The following PPP1R12A variants were observed in gnomAD, a reference collection of about 807,000 sequenced individuals.
PPP1R12A encodes myosin binding subunit.
Under a neutral mutation model 139.6 loss-of-function variants are expected in PPP1R12A, and 19 were observed. The observed-to-expected ratio is 0.14, with a 90% CI of 0.09 to 0.20. The LOEUF is 0.20. Ranked by LOEUF, PPP1R12A falls within the 10% of genes least tolerant of loss-of-function variation. The probability of loss-of-function intolerance (pLI) is 1.00; values close to 1 mark genes in which losing one functional copy is unlikely to be tolerated. For synonymous variants in PPP1R12A, 427 were observed against 420.6 expected, an observed-to-expected ratio of 1.02 and a Z score of -0.19; for missense variants, 925 against 1,211.5, an observed-to-expected ratio of 0.76 and a Z score of 3.51.
chr12:79,922,231 C>G (rs1368163750), intron 1 of PPP1R12A, among the ~76,000 whole-genome samples: 1 of 152,126 alleles, frequency 6.6e-6, no homozygotes, highest in Non-Finnish European at 1.5e-5. Flanking sequence ...ACTGCACTCC[C>G]AGCCTGGGTA....
intron 14 of PPP1R12A, among the ~76,000 whole-genome samples, chr12:79,804,384 T>TG (rs1873564304): frequency 1.3e-5 from 2 of 152,162 alleles, no homozygotes; most frequent in South Asian, 4.1e-4. Context: ...ACTAACCACT[T>TG]GCAGTGGCAT....
chr12:79,819,039 A>T (rs1418131873), intron 8 of PPP1R12A: 2 of 152,200 alleles, frequency 1.3e-5, no homozygotes, highest in East Asian at 3.8e-4. Context: ...CTTGAGACAG[A>T]GTCAAATTTT....
intron 1 of PPP1R12A, among the ~76,000 whole-genome samples, chr12:79,890,915 A>ACC (rs1884567131): frequency 1.4e-5 from 2 of 147,192 alleles, no homozygotes; most frequent in Non-Finnish European, 3.0e-5. Flanking sequence ...CCACACACAC[A>ACC]CACACACACA....
intron 1 of PPP1R12A, among the ~76,000 whole-genome samples, chr12:79,920,124 C>T (rs1336838209): frequency 6.6e-6 from 1 of 152,238 alleles, no homozygotes; most frequent in African/African-American, 2.4e-5. Flanking sequence ...TGGAATCATA[C>T]ACCATGTGGT....
chr12:79,876,622 C>T (rs1373031122), intron 1 of PPP1R12A, among the ~76,000 whole-genome samples: 1 of 152,120 alleles, frequency 6.6e-6, no homozygotes, highest in Non-Finnish European at 1.5e-5. Context: ...ATTCTAGGGG[C>T]TAAGTATTAC....
chr12:79,839,063 G>T (rs946140695), intron 3 of PPP1R12A, among the ~76,000 whole-genome samples: 5 of 151,988 alleles, frequency 3.3e-5, no homozygotes, highest in African/African-American at 1.2e-4. Context: ...AAGCTACAGA[G>T]GCAGAGCTGT....
Position 79,774,644 on chromosome 12 carries a change from AAAAG to A in PPP1R12A, c.*1281_*1284del. Reference sequence around the variant, plus strand: ...GCGCTTTTTTTTCCTTAAAAAAAAAAAAAGGCCACTGAAATGTATAAAATGGTCT... The same window carrying A: ...GCGCTTTTTTTTCCTTAAAAAAAAAAGCCACTGAAATGTATAAAATGGTCT... On this transcript the variant is annotated 3_prime_UTR_variant, in exon 25 of 25. Transcript: ENST00000450142. 1 of 152,240 alleles carries A rather than the reference AAAAG, an allele frequency of 6.6e-6. No individual in the cohort carries two copies. Among genetic ancestry groups the A allele is most frequent in the East Asian group, 1.9e-4 (1 of 5,180 alleles). 9.4% of individuals were successfully genotyped at this position (152,240 alleles called of 1,614,324 possible). A position where few individuals can be genotyped will look rare whatever the true frequency, so the allele number is the denominator to read the frequency against.
At chr12:79,914,122 A>G (rs1188259769) in intron 1 of PPP1R12A, among the ~76,000 whole-genome samples, 1 of 152,176 alleles carries the variant, frequency 6.6e-6, no homozygotes, top group East Asian at 1.9e-4. Flanking sequence ...TAAATATTTA[A>G]AAGTTTTTTC....
chr12:79,841,051 T>TA (rs777684899), intron 3 of PPP1R12A, among the ~76,000 whole-genome samples: 4,543 of 131,412 alleles, frequency 0.035, 84 homozygotes, highest in African/African-American at 0.043. Context: ...CCTTTTTATT[T>TA]AAAAAAAAAA....
At chr12:79,805,361 C>T (rs1428562464) in intron 14 of PPP1R12A, among the ~76,000 whole-genome samples, 1 of 152,288 alleles carries the variant, frequency 6.6e-6, no homozygotes, top group East Asian at 1.9e-4. Context: ...AACTGTCTTG[C>T]TCACTGACTT....
chr12:79,862,652 C>A (rs369092660), intron 2 of PPP1R12A, among the ~76,000 whole-genome samples: 1 of 152,042 alleles, frequency 6.6e-6, no homozygotes, highest in Non-Finnish European at 1.5e-5. Context: ...AACCACAGTA[C>A]GAGAACTTCA....
chr12:79,829,049 T>C (rs1877110772), intron 4 of PPP1R12A, among the ~76,000 whole-genome samples: 1 of 152,120 alleles, frequency 6.6e-6, no homozygotes, highest in Admixed American at 6.6e-5. Flanking sequence ...TCTATTTTTC[T>C]GAGCAGTAGA....
intron 2 of PPP1R12A, among the ~76,000 whole-genome samples, chr12:79,861,815 C>T (rs935860708): frequency 6.6e-6 from 1 of 152,106 alleles, no homozygotes; most frequent in African/African-American, 2.4e-5. Context: ...AACAAAGTGG[C>T]AGGGAAGCTA....
intron 22 of PPP1R12A, among the ~76,000 whole-genome samples, chr12:79,784,417 T>A (rs1279786675): frequency 6.6e-6 from 1 of 152,166 alleles, no homozygotes; most frequent in African/African-American, 2.4e-5. Flanking sequence ...CAGTGACCTA[T>A]GAAATGGTCA....
At chr12:79,794,591 C>T (rs1288353848) in intron 18 of PPP1R12A, among the ~76,000 whole-genome samples, 3 of 149,242 alleles carry the variant, frequency 2.0e-5, no homozygotes, top group African/African-American at 7.4e-5. Flanking sequence ...AAAAAAAACA[C>T]AAATAAATTG....
chr12:79,885,992 A>T (rs1186482269), intron 1 of PPP1R12A, among the ~76,000 whole-genome samples: 1 of 152,106 alleles, frequency 6.6e-6, no homozygotes, highest in African/African-American at 2.4e-5. Context: ...CACCACATTC[A>T]GCCAAACAGA....
chr12:79,817,572 G>T, intron 8 of PPP1R12A, 54 bp from the exon 9 acceptor site: 1 of 1,464,004 alleles, frequency 6.8e-7, no homozygotes, highest in South Asian at 1.3e-5. Context: ...TGGTCTCAAT[G>T]GCTGGGAAAA....
chr12:79,894,590 T>A (rs1259625459), intron 1 of PPP1R12A, among the ~76,000 whole-genome samples: 3 of 152,170 alleles, frequency 2.0e-5, no homozygotes, highest in Admixed American at 2.0e-4. Flanking sequence ...AAAATGTTCC[T>A]ATAAAATATT....
intron 1 of PPP1R12A, among the ~76,000 whole-genome samples, chr12:79,924,673 C>T (rs569531526): frequency 2.6e-5 from 4 of 152,330 alleles, no homozygotes; most frequent in South Asian, 2.1e-4. Flanking sequence ...AAGCAATCCT[C>T]CCACCTCGGC....
Sources: allele counts gnomAD v4.1 joint callset (sites outside exome capture counted in the v4.1 genomes callset), GRCh38; gene constraint gnomAD v4.1.1; transcripts MANE v1.5; gene names NCBI Gene and HGNC (gene_info 2026-07-23, HGNC 2026-07-21).